The following BEAN1 variants were observed in gnomAD, a reference collection of about 807,000 sequenced individuals.
The protein encoded by BEAN1 is protein BEAN1.
A neutral mutation model predicts 17.7 loss-of-function variants in BEAN1; 17 were observed. The ratio of observed to expected loss-of-function variants is 0.96; its 90% CI spans 0.66 to 1.44. The LOEUF (loss-of-function observed/expected upper bound fraction) is 1.44, where lower values mean the gene tolerates loss of function less well. BEAN1 is among the 40% of genes most tolerant of loss of function. The pLI is 0.00. For synonymous variants in BEAN1, 142 were observed against 151.8 expected, an observed-to-expected ratio of 0.94 and a Z score of 0.47; for missense variants, 359 against 374.1, an observed-to-expected ratio of 0.96 and a Z score of 0.33.
chr16:66,494,165 T>C (rs1199993659), downstream of BEAN1, among the ~76,000 whole-genome samples: 1 of 152,180 alleles, frequency 6.6e-6, no homozygotes, highest in Non-Finnish European at 1.5e-5. Context: ...CTCACTGTGA[T>C]GTCCACCAGG....
At chr16:66,439,273 G>C (rs1233468074) in intron 2 of BEAN1, among the ~76,000 whole-genome samples, 1 of 152,186 alleles carries the variant, frequency 6.6e-6, no homozygotes. Flanking sequence ...TCAACAAATT[G>C]TTGCTGTTGT....
intron 2 of BEAN1, chr16:66,437,951 G>A (rs1425119602): frequency 2.7e-5 from 16 of 598,852 alleles, no homozygotes; most frequent in Non-Finnish European, 4.2e-5. Flanking sequence ...GTGTGGATCG[G>A]AGTTCCTCTG....
chr16:66,461,547 C>T (rs1963081077), intron 2 of BEAN1, among the ~76,000 whole-genome samples: 1 of 150,194 alleles, frequency 6.7e-6, no homozygotes, highest in Non-Finnish European at 1.5e-5. Flanking sequence ...GTTCTGCGTG[C>T]TGTGCAGGGC....
intron 4 of BEAN1, among the ~76,000 whole-genome samples, chr16:66,489,182 CA>C (rs34785231): frequency 0.25 from 37,277 of 148,346 alleles, 7,127 homozygotes; most frequent in African/African-American, 0.54. Context: ...CAAAAAAAAA[CA>C]AAAAAAAAAG....
chr16:66,494,158 A>G (rs1468967850), downstream of BEAN1, among the ~76,000 whole-genome samples: 1 of 152,176 alleles, frequency 6.6e-6, no homozygotes, highest in Non-Finnish European at 1.5e-5. Flanking sequence ...AATAGCTCTC[A>G]CTGTGATGTC....
In BEAN1 at chr16:66,477,281, G is replaced by A. The variant is rs117184414; in HGVS notation, c.290-279G>A. The stretch of plus-strand genomic sequence containing the variant: ...CCTCTACCAAAGCTCATGACACACT[G>A]CCTAGTGCCAGGTTATCCCCAAAGC... On this transcript the variant is annotated intron_variant, in intron 3 of 4. Coordinates refer to ENST00000536005, the MANE Select transcript of BEAN1 (RefSeq NM_001178020.3). 3.3e-3 allele frequency among the ~76,000 whole-genome samples: 503 copies of A among 152,280 alleles called. 3 individuals are homozygous for A. The highest frequency in any genetic ancestry group is 8.1e-3 in the East Asian group (42 of 5,172).
At chr16:66,470,308 T>G (rs1597029793) in intron 3 of BEAN1, among the ~76,000 whole-genome samples, 1 of 146,726 alleles carries the variant, frequency 6.8e-6, no homozygotes, top group Non-Finnish European at 1.5e-5. Flanking sequence ...GGGTGAGGAG[T>G]GAGGTGATGG....
chr16:66,472,875 A>T (rs574704530), intron 3 of BEAN1, among the ~76,000 whole-genome samples: 2 of 152,008 alleles, frequency 1.3e-5, no homozygotes, highest in Non-Finnish European at 2.9e-5. Flanking sequence ...TGTAAAAATT[A>T]TCCAGGTGTG....
At chr16:66,489,040 C>T (rs140855406) in intron 4 of BEAN1, among the ~76,000 whole-genome samples, 124 of 151,896 alleles carry the variant, frequency 8.2e-4, no homozygotes, top group Non-Finnish European at 1.4e-3. Flanking sequence ...GGCGTGGTGG[C>T]GGGCACCTGT....
intron 2 of BEAN1, among the ~76,000 whole-genome samples, chr16:66,441,144 G>A (rs942789493): frequency 2.0e-5 from 3 of 152,324 alleles, no homozygotes; most frequent in South Asian, 2.1e-4. Context: ...CAGTTCGCCC[G>A]CACCACCGTG....
chr16:66,485,238 T>G (rs747538456), downstream of BEAN1: 14 of 387,832 alleles, frequency 3.6e-5, no homozygotes, highest in Non-Finnish European at 5.7e-5. Flanking sequence ...CACACTCACA[T>G]GTAGCATCCC....
chr16:66,439,671 C>G (rs1230467132), intron 2 of BEAN1, among the ~76,000 whole-genome samples: 1 of 152,178 alleles, frequency 6.6e-6, no homozygotes. Context: ...GAAATTCCCC[C>G]TTCCCCAAAG....
chr16:66,489,079 G>A (rs1964129213), intron 4 of BEAN1, among the ~76,000 whole-genome samples: 1 of 152,178 alleles, frequency 6.6e-6, no homozygotes, highest in African/African-American at 2.4e-5. Context: ...GTCTGAGACA[G>A]GAGAATCACT....
chr16:66,465,672 T>C lies in BEAN1; in HGVS notation c.26-3930T>C, dbSNP rs552711607. 1.2e-4 allele frequency among the ~76,000 whole-genome samples: 19 copies of C among 152,322 alleles called. No individual in the cohort carries two copies. The East Asian group carries it at 3.5e-3, about 28-fold the overall frequency. On this transcript the variant is annotated intron_variant, in intron 2 of 4. Transcript: ENST00000536005. Reference sequence around the variant, plus strand: ...TTAAAGTTATTATTTCTTCTGTAAATTTTTGGTAGAATTCTCCAATGAAGC... The same window carrying C: ...TTAAAGTTATTATTTCTTCTGTAAACTTTTGGTAGAATTCTCCAATGAAGC...
rs1335049508 is a variant in BEAN1 at position 66,481,246 on chromosome 16, G to A, written c.*321G>A. 3 of 400,050 alleles carry A rather than the reference G, an allele frequency of 7.5e-6. No individual in the cohort carries two copies. Among genetic ancestry groups the A allele is most frequent in the African/African-American group, 2.1e-5 (1 of 48,640 alleles). 24.8% of individuals were successfully genotyped at this position (400,050 alleles called of 1,614,324 possible). On this transcript the variant is annotated 3_prime_UTR_variant, in exon 5 of 5. Coordinates refer to ENST00000536005, the MANE Select transcript of BEAN1 (RefSeq NM_001178020.3). The surrounding 1 kb of genome is among the most constrained non-coding windows in gnomAD (Gnocchi z 4.1). ...TGTTTGTTGTGCCTCTGTAGAGAGC[G>A]CTTCGGAGAGAGAGGCGAAGTAGGA... is the stretch of plus-strand genomic sequence containing the variant.
rs539390662 is a variant in BEAN1, at chr16:66,427,710, G to A, written c.-83+279G>A. ...CCTGATCGCGCCCTCGGGCCTCGGG[G>A]AAGGGGAGGTATCCAGGTTTTCTGC... On this transcript the variant is annotated intron_variant, in intron 1 of 4. Transcript: ENST00000536005. The surrounding 1 kb of genome is among the most constrained non-coding windows in gnomAD (Gnocchi z 4.7). 2 of 152,168 alleles carry A rather than the reference G, an allele frequency of 1.3e-5. No homozygotes were observed. The highest frequency in any genetic ancestry group is 4.2e-4 in the South Asian group (2 of 4,814). The allele number at this position is 152,168 out of a possible 1,614,324, so 9.4% of individuals were successfully genotyped here. A position where few individuals can be genotyped will look rare whatever the true frequency, so the allele number is the denominator to read the frequency against.
chr16:66,484,555 A>G, downstream of BEAN1: 1 of 453,852 alleles, frequency 2.2e-6, no homozygotes, highest in South Asian at 1.6e-5. This position sits in a 1 kb window ranked among gnomAD's most constrained non-coding sequence, Gnocchi z 4.2. Context: ...CAGAGGCCCA[A>G]GGAGATGGAA....
chr16:66,480,925 A>C lies in BEAN1; in HGVS notation c.780A>C (p.Ter260CysextTer59), dbSNP rs774121549. Reference protein sequence around the residue: ...APASGPERIV* With the variant: ...APASGPERIVC ...CCTCTGGCCCAGAGAGGATTGTGTGAGGGACCCAGCCAGCCGGGTCCTGCT... is the reference window on the plus strand; with the variant it reads ...CCTCTGGCCCAGAGAGGATTGTGTGCGGGACCCAGCCAGCCGGGTCCTGCT... The change falls in exon 5 of 5, where the codon TGA (stop) becomes TGC (cysteine). Residue 260 changes from the stop codon to cysteine, a stop_lost. Coordinates refer to ENST00000536005, the MANE Select transcript of BEAN1 (RefSeq NM_001178020.3). 3.3e-4 allele frequency: 470 copies of C among 1,444,808 alleles called. 2 individuals carry two copies. The highest frequency in any genetic ancestry group is 5.5e-6 in the Non-Finnish European group (6 of 1,095,340). The allele number at this position is 1,444,808 out of a possible 1,614,324, so 89.5% of individuals were successfully genotyped here. A position where few individuals can be genotyped will look rare whatever the true frequency, so the allele number is the denominator to read the frequency against.
At chr16:66,484,064 T>C (rs1440700729), downstream of BEAN1, 1 of 162,704 alleles carries the variant, frequency 6.1e-6, no homozygotes, top group African/African-American at 2.4e-5. The surrounding 1 kb of genome is among the most constrained non-coding windows in gnomAD (Gnocchi z 4.2). Context: ...ACCCTTGAGA[T>C]GTTCTATGAG....
Sources: gnomAD v4.1 joint callset for allele counts (sites outside exome capture counted in the v4.1 genomes callset) on GRCh38, gnomAD v4.1.1 for gene constraint, Gnocchi (gnomAD v3.1) non-coding constraint, MANE v1.5 for transcripts, NCBI Gene and HGNC (gene_info 2026-07-23, HGNC 2026-07-21) for gene names.